Variants in GRIK4 observed in about 807,000 individuals in gnomAD.
GRIK4 encodes the protein glutamate receptor ionotropic, kainate 4.
GRIK4 carries 40 observed loss-of-function variants against 104.9 expected under a neutral mutation model. The observed-to-expected ratio is 0.38, with a 90% confidence interval of 0.30 to 0.50. The LOEUF is 0.50. GRIK4 is among the 20% of genes least tolerant of loss of function. The probability of loss-of-function intolerance (pLI) is 0.93; values close to 1 mark genes in which losing one functional copy is unlikely to be tolerated. For synonymous variants in GRIK4, 485 were observed against 524.9 expected, an observed-to-expected ratio of 0.92 and a Z score of 1.04; for missense variants, 1,047 against 1,308.1, an observed-to-expected ratio of 0.80 and a Z score of 3.08.
intron 8 of GRIK4, among the ~76,000 whole-genome samples, chr11:120,845,650 TACACACACACAC>T (rs146137487): frequency 6.8e-6 from 1 of 146,138 alleles, no homozygotes; most frequent in Non-Finnish European, 1.5e-5. Flanking sequence ...TGCACACTTC[TACACACACACAC>T]ACACACACAC....
At chr11:120,806,306 C>T (rs547323313) in intron 4 of GRIK4, among the ~76,000 whole-genome samples, 4 of 152,194 alleles carry the variant, frequency 2.6e-5, no homozygotes, top group African/African-American at 4.8e-5. Context: ...CAGCATCCAT[C>T]GTAATTGGAT....
chr11:120,824,548 C>CTCTTTTTTTTTTTTTTTTTTT (rs1391390503), intron 6 of GRIK4, among the ~76,000 whole-genome samples: 2 of 131,178 alleles, frequency 1.5e-5, no homozygotes, highest in African/African-American at 2.7e-5. Flanking sequence ...TTTTTTTTTT[C>CTCTTTTTTTTTTTTTTTTTTT]TTTTCTTTTT....
intron 3 of GRIK4, among the ~76,000 whole-genome samples, chr11:120,748,215 C>T (rs1951481482): frequency 6.6e-6 from 1 of 152,092 alleles, no homozygotes; most frequent in Admixed American, 6.6e-5. Flanking sequence ...GTCCCTCCTC[C>T]TCTAGCACTT....
intron 1 of GRIK4, among the ~76,000 whole-genome samples, chr11:120,643,695 C>T (rs543090355): frequency 2.8e-4 from 43 of 152,242 alleles, no homozygotes; most frequent in South Asian, 1.2e-3. Context: ...TCTGAGTTTC[C>T]GGCTCTTCAT....
intron 14 of GRIK4, among the ~76,000 whole-genome samples, chr11:120,943,246 G>A (rs1943773050): frequency 6.6e-6 from 1 of 151,944 alleles, no homozygotes; most frequent in South Asian, 2.1e-4. Context: ...ATTGATAACA[G>A]GGGGCCAAGC....
intron 1 of GRIK4, among the ~76,000 whole-genome samples, chr11:120,547,952 C>T (rs987777195): frequency 6.6e-6 from 1 of 152,104 alleles, no homozygotes; most frequent in African/African-American, 2.4e-5. Context: ...CCAGGGTGGG[C>T]GGAGCTGCCC....
At chr11:120,893,255 T>C (rs902219413) in intron 11 of GRIK4, among the ~76,000 whole-genome samples, 1 of 152,240 alleles carries the variant, frequency 6.6e-6, no homozygotes, top group South Asian at 2.1e-4. Flanking sequence ...TATTAATTTA[T>C]ATCCACCTGT....
chr11:120,541,810 T>G (rs1289926902), intron 1 of GRIK4, among the ~76,000 whole-genome samples: 1 of 152,176 alleles, frequency 6.6e-6, no homozygotes, highest in Non-Finnish European at 1.5e-5. Flanking sequence ...CTTGAGAAGA[T>G]AAACGGAAAG....
intron 3 of GRIK4, among the ~76,000 whole-genome samples, chr11:120,795,216 A>T (rs1408519543): frequency 6.6e-6 from 1 of 152,228 alleles, no homozygotes; most frequent in African/African-American, 2.4e-5. Flanking sequence ...GGAAATCTTC[A>T]GCAGCGAGGC....
chr11:120,823,490 A>T (rs1246962321), intron 6 of GRIK4, among the ~76,000 whole-genome samples: 1 of 152,172 alleles, frequency 6.6e-6, no homozygotes, highest in Non-Finnish European at 1.5e-5. Flanking sequence ...GAGAAAACAG[A>T]GTCTTGGAGG....
At chr11:120,535,989 G>C (rs1335461420) in intron 1 of GRIK4, among the ~76,000 whole-genome samples, 1 of 152,218 alleles carries the variant, frequency 6.6e-6, no homozygotes, top group Non-Finnish European at 1.5e-5. Context: ...CTGGGCTCAA[G>C]CCAGGGGTGG....
At chr11:120,566,415 G>A (rs754449677) in intron 1 of GRIK4, among the ~76,000 whole-genome samples, 2 of 152,188 alleles carry the variant, frequency 1.3e-5, no homozygotes, top group Non-Finnish European at 2.9e-5. Flanking sequence ...AGCCCATGCT[G>A]GTGTTAAAAT....
intron 8 of GRIK4, among the ~76,000 whole-genome samples, chr11:120,856,326 A>G (rs902403409): frequency 1.3e-5 from 2 of 152,226 alleles, no homozygotes; most frequent in Non-Finnish European, 2.9e-5. Context: ...ACATTGCACA[A>G]TGTGGCACCA....
Position 120,696,927 on chromosome 11 carries a change from A to G in GRIK4, c.82+36527A>G, listed in dbSNP as rs971478512. ...GATAAACTGCGCTATGGGCAAAGAT[A>G]TGACTGTTGTGGGGCAGCCCCATGT... On this transcript the variant is annotated intron_variant, in intron 3 of 20. Transcript: ENST00000527524. Among the ~76,000 whole-genome samples the G allele has an allele frequency of 2.0e-5, 3 of 152,202 alleles. No individual in the cohort carries two copies. The East Asian group carries it at 5.8e-4, about 29-fold the overall frequency.
chr11:120,783,314 TTC>T (rs1324404255), intron 3 of GRIK4, among the ~76,000 whole-genome samples: 1 of 152,162 alleles, frequency 6.6e-6, no homozygotes, highest in Non-Finnish European at 1.5e-5. Flanking sequence ...GCTTCTGTCT[TTC>T]TCTATTTTCT....
intron 3 of GRIK4, among the ~76,000 whole-genome samples, chr11:120,727,888 T>A (rs2135386432): frequency 6.6e-6 from 1 of 151,970 alleles, no homozygotes; most frequent in East Asian, 1.9e-4. Flanking sequence ...AAAAAGAAAT[T>A]AAGAATGTGA....
intron 1 of GRIK4, among the ~76,000 whole-genome samples, chr11:120,597,590 G>T (rs1948821178): frequency 6.6e-6 from 1 of 152,190 alleles, no homozygotes; most frequent in South Asian, 2.1e-4. Context: ...TTGCCTCTCA[G>T]TCTTACTTGG....
chr11:120,863,690 A>T (rs1392315101), intron 9 of GRIK4, among the ~76,000 whole-genome samples: 1 of 152,258 alleles, frequency 6.6e-6, no homozygotes, highest in Non-Finnish European at 1.5e-5. Context: ...GTCTCTGATA[A>T]GACATGCCCA....
At chr11:120,582,886 G>A (rs1948607848) in intron 1 of GRIK4, among the ~76,000 whole-genome samples, 1 of 152,226 alleles carries the variant, frequency 6.6e-6, no homozygotes, top group Non-Finnish European at 1.5e-5. Context: ...CCAATAATGG[G>A]ATTGCTGGGT....
Sources: allele counts gnomAD v4.1 joint callset (sites outside exome capture counted in the v4.1 genomes callset), GRCh38; gene constraint gnomAD v4.1.1; transcripts MANE v1.5; gene names NCBI Gene and HGNC (gene_info 2026-07-23, HGNC 2026-07-21).